Variants in TPCN1 observed in about 807,000 individuals in gnomAD.
TPCN1 encodes two pore channel protein 1.
In TPCN1, 52 loss-of-function variants were observed where a neutral mutation model predicts 108.8. The ratio of observed to expected loss-of-function variants is 0.48; its 90% CI spans 0.38 to 0.60. The LOEUF (loss-of-function observed/expected upper bound fraction) is 0.60, where lower values mean the gene tolerates loss of function less well. Among genes scored for constraint, TPCN1 ranks in the 20% least tolerant of loss-of-function variants. TPCN1 has a pLI of 0.00. For synonymous variants in TPCN1, 446 were observed against 433.7 expected (o/e 1.03, Z -0.35); for missense variants, 806 against 1,072.8 (o/e 0.75, Z 3.47).
Position 113,273,695 on chromosome 12 carries a change from T to C in TPCN1, c.942+27T>C. The stretch of plus-strand genomic sequence containing the variant: ...TGAGTGACTATGCCTCAGGCTACGC[T>C]GAAGCAGCCTGCCCCTACCCATGCA... On this transcript the variant is annotated intron_variant, in intron 10 of 27. Transcript: ENST00000335509. This position sits in a 1 kb window ranked among gnomAD's most constrained non-coding sequence, Gnocchi z 4.0. The C allele has an allele frequency of 6.4e-7, 1 of 1,558,264 alleles. No homozygotes were observed. The highest frequency in any genetic ancestry group is 8.9e-7 in the Non-Finnish European group (1 of 1,129,700).
Position 113,273,884 on chromosome 12 carries a change from A to G in TPCN1, c.942+216A>G, listed in dbSNP as rs770687943. Among the ~76,000 whole-genome samples, 1 of 152,170 alleles carries G rather than the reference A, an allele frequency of 6.6e-6. No homozygotes were observed. Among genetic ancestry groups the G allele is most frequent in the Non-Finnish European group, 1.5e-5 (1 of 68,036 alleles). ...AGTTGCTGGGGGTGGCGTCCTCACC[A>G]AGGCAATGCTGCTGATGCTGGTAGT... On this transcript the variant is annotated intron_variant, in intron 10 of 27. Transcript: ENST00000335509. The surrounding 1 kb of genome is among the most constrained non-coding windows in gnomAD (Gnocchi z 4.0).
At chr12:113,222,797 C>T (rs1410579670) in intron 1 of TPCN1, among the ~76,000 whole-genome samples, 1 of 152,030 alleles carries the variant, frequency 6.6e-6, no homozygotes, top group Admixed American at 6.6e-5. Flanking sequence ...CCCAGGGAAG[C>T]CAAAAGGTTG....
Position 113,288,972 on chromosome 12 carries a change from G to A in TPCN1, c.1796+125G>A. Reference sequence around the variant, plus strand: ...ATGTTCCTGTCTAAGCAACCACCTTGCTTTGCTTTCAGGGCTTAGTTGAGT... The same window carrying A: ...ATGTTCCTGTCTAAGCAACCACCTTACTTTGCTTTCAGGGCTTAGTTGAGT... On this transcript the variant is annotated intron_variant, in intron 21 of 27. Transcript: ENST00000335509. The surrounding 1 kb of genome is among the most constrained non-coding windows in gnomAD (Gnocchi z 4.8). 1.0e-6 allele frequency: 1 copy of A among 958,478 alleles called. No homozygotes were observed. Among genetic ancestry groups the A allele is most frequent in the East Asian group, 2.4e-5 (1 of 41,194 alleles). The allele number at this position is 958,478 out of a possible 1,614,324, so 59.4% of individuals were successfully genotyped here. A position where few individuals can be genotyped will look rare whatever the true frequency, so the allele number is the denominator to read the frequency against.
intron 2 of TPCN1, among the ~76,000 whole-genome samples, chr12:113,241,795 CGT>C (rs1191014969): frequency 2.1e-5 from 2 of 96,992 alleles, no homozygotes; most frequent in African/African-American, 4.3e-5. Context: ...TGTGTGTGTG[CGT>C]GTGTGTGTAT....
Position 113,266,323 on chromosome 12 carries a change from C to G in TPCN1, c.381C>G (p.Ala127=). ...TGCTGCTGCTCTCCCTGTGCGAGGC[C>G]CCCGCCGTCCCCGCACTCCGGCTTG... is the stretch of plus-strand genomic sequence containing the variant. ...LLLLLLSLCE[A]PAVPALRLGI... The change falls in exon 4 of 28, where the codon GCC becomes GCG. Residue 127 remains alanine, a synonymous_variant. Transcript: ENST00000335509. This position sits in a 1 kb window ranked among gnomAD's most constrained non-coding sequence, Gnocchi z 4.2. The G allele has an allele frequency of 6.2e-7, 1 of 1,610,222 alleles. No individual in the cohort carries two copies. The highest frequency in any genetic ancestry group is 8.5e-7 in the Non-Finnish European group (1 of 1,179,998).
chr12:113,259,295 A>G (rs945428079), intron 2 of TPCN1, among the ~76,000 whole-genome samples: 1 of 152,174 alleles, frequency 6.6e-6, no homozygotes, highest in Non-Finnish European at 1.5e-5. Flanking sequence ...TAGATTCTTT[A>G]TCTTCCTTCG....
In TPCN1 at chr12:113,277,053, G is replaced by A; in HGVS notation, c.1059+18G>A. 1 of 1,609,306 alleles carries A rather than the reference G, an allele frequency of 6.2e-7. No individual in the cohort carries two copies. The highest frequency in any genetic ancestry group is 1.7e-5 in the Admixed American group (1 of 60,010). On this transcript the variant is annotated intron_variant, in intron 11 of 27. Transcript: ENST00000335509. ...GCCAGAGGGTAGGAACTATGGGCCA[G>A]GGAGGGGCTTGGTCCCTGTCCTCCC... is the stretch of plus-strand genomic sequence containing the variant.
intron 1 of TPCN1, among the ~76,000 whole-genome samples, chr12:113,223,423 G>A (rs547513886): frequency 7.3e-6 from 1 of 136,130 alleles, no homozygotes; most frequent in African/African-American, 2.9e-5. Context: ...TCTGCAGTCA[G>A]ATCTGCTGAG....
At chr12:113,243,244 C>T (rs957250757) in intron 2 of TPCN1, among the ~76,000 whole-genome samples, 1 of 152,136 alleles carries the variant, frequency 6.6e-6, no homozygotes, top group Non-Finnish European at 1.5e-5. Context: ...ATGGCGGGCG[C>T]CTGTATTCCC....
At chr12:113,224,895 C>T (rs1241951911) in intron 1 of TPCN1, among the ~76,000 whole-genome samples, 5 of 152,010 alleles carry the variant, frequency 3.3e-5, no homozygotes, top group Admixed American at 2.0e-4. Context: ...GGATTACAGG[C>T]GCAAGCCACC....
Position 113,263,581 on chromosome 12 carries a change from C to T in TPCN1, c.238-2599C>T, listed in dbSNP as rs532003322. ...CGGCTCAAGATGGCCTGCCTTTTCA[C>T]GCTTGCAGCCAAGCTGCGGGTCCTG... On this transcript the variant is annotated intron_variant, in intron 3 of 27. Transcript: ENST00000335509. Among the ~76,000 whole-genome samples the T allele has an allele frequency of 3.9e-4, 59 of 152,374 alleles. No homozygotes were observed. The East Asian group carries it at 8.1e-3, about 21-fold the overall frequency.
chr12:113,284,568 C>T lies in TPCN1; in HGVS notation c.1343-13C>T, dbSNP rs1184877724. On this transcript the variant is annotated splice_polypyrimidine_tract_variant and intron_variant, in intron 15 of 27. Transcript: ENST00000335509. This position sits in a 1 kb window ranked among gnomAD's most constrained non-coding sequence, Gnocchi z 4.1. ...TGTTATTTCTCTGTCTTTTACGGGC[C>T]TGTGTATTTCAGACTTGGTGGTGGC... 1 of 1,614,098 alleles carries T rather than the reference C, an allele frequency of 6.2e-7. No individual in the cohort carries two copies. The highest frequency in any genetic ancestry group is 8.5e-7 in the Non-Finnish European group (1 of 1,180,038).
intron 1 of TPCN1, chr12:113,225,323 C>A (rs1392498561): frequency 2.3e-6 from 1 of 442,288 alleles, no homozygotes; most frequent in African/African-American, 2.0e-5. Context: ...CCTCCCAAAG[C>A]GCTGAGATTA....
intron 1 of TPCN1, among the ~76,000 whole-genome samples, chr12:113,223,148 GA>G (rs978477535): frequency 3.3e-5 from 5 of 151,488 alleles, no homozygotes; most frequent in South Asian, 2.1e-4. Flanking sequence ...GGAAACTTAA[GA>G]AAAAAAAACT....
At chr12:113,290,557 ACTG>A (rs1411053539) in intron 22 of TPCN1, among the ~76,000 whole-genome samples, 3 of 152,136 alleles carry the variant, frequency 2.0e-5, no homozygotes, top group African/African-American at 7.2e-5. Context: ...CAGCCACACC[ACTG>A]CTGCTGCAGC....
chr12:113,273,387 G>T lies in TPCN1; in HGVS notation c.842+97G>T. 1.5e-6 allele frequency: 2 copies of T among 1,375,650 alleles called. No homozygotes were observed. Among genetic ancestry groups the T allele is most frequent in the Non-Finnish European group, 1.0e-6 (1 of 965,226 alleles). The allele number at this position is 1,375,650 out of a possible 1,614,324, so 85.2% of individuals were successfully genotyped here. The stretch of plus-strand genomic sequence containing the variant: ...TATATTCCACATCCCAGCACAGGCA[G>T]GTGCTGTGGTGCTATTGGGAGACAG... On this transcript the variant is annotated intron_variant, in intron 9 of 27. Transcript: ENST00000335509. This position sits in a 1 kb window ranked among gnomAD's most constrained non-coding sequence, Gnocchi z 4.0.
chr12:113,243,435 A>G (rs1398597957), intron 2 of TPCN1, among the ~76,000 whole-genome samples: 1 of 151,912 alleles, frequency 6.6e-6, no homozygotes, highest in Non-Finnish European at 1.5e-5. Flanking sequence ...TATTAAGACT[A>G]GAGGCCAGGC....
chr12:113,280,231 C>A, intron 15 of TPCN1, 36 bp downstream of exon 15: 1 of 1,573,344 alleles, frequency 6.4e-7, no homozygotes, highest in Non-Finnish European at 8.7e-7. Flanking sequence ...GGCCACTTTC[C>A]CCCTGAGTCC....
Position 113,284,613 on chromosome 12 carries a change from C to A in TPCN1, c.1375C>A (p.Leu459Ile). 1 of 1,614,212 alleles carries A rather than the reference C, an allele frequency of 6.2e-7. No homozygotes were observed. Among genetic ancestry groups the A allele is most frequent in the Non-Finnish European group, 8.5e-7 (1 of 1,180,048 alleles). The part of the protein sequence containing the change: ...LVVAVNGVWI[L>I]VETFMLKGGN... ...GGTGGCAGTCAACGGGGTCTGGATC[C>A]TCGTGGAGACATTTATGCTGAAAGG... Residue 459 changes from leucine to isoleucine, a missense_variant, in exon 16 of 28, where the codon CTC becomes ATC. Transcript: ENST00000335509. This position sits in a 1 kb window ranked among gnomAD's most constrained non-coding sequence, Gnocchi z 4.1.
Sources: gnomAD v4.1 joint callset for allele counts (sites outside exome capture counted in the v4.1 genomes callset) on GRCh38, gnomAD v4.1.1 for gene constraint, Gnocchi (gnomAD v3.1) non-coding constraint, MANE v1.5 for transcripts, NCBI Gene and HGNC (gene_info 2026-07-23, HGNC 2026-07-21) for gene names.